ADCY10: variants seen among roughly 807,000 people sequenced by gnomAD.
ADCY10 encodes adenylate cyclase type 10.
In ADCY10, 156 loss-of-function variants were observed where a neutral mutation model predicts 183.3. The observed-to-expected ratio is 0.85, with a 90% confidence interval of 0.75 to 0.97. ADCY10 has a LOEUF of 0.97. Among genes scored for constraint, ADCY10 ranks in the 50% least tolerant of loss-of-function variants. The pLI is 0.00. For synonymous variants in ADCY10, 645 were observed against 670.0 expected, an observed-to-expected ratio of 0.96 and a Z score of 0.58; for missense variants, 1,745 against 1,934.3, an observed-to-expected ratio of 0.90 and a Z score of 1.84.
Position 167,853,389 on chromosome 1 carries a change from A to G in ADCY10, c.2308+964T>C, listed in dbSNP as rs1468333103. Among the ~76,000 whole-genome samples the G allele has an allele frequency of 2.9e-4, 44 of 152,134 alleles. 1 individual carries two copies. The highest frequency in any genetic ancestry group is 2.9e-3 in the Admixed American group (44 of 15,270). ...AAGGTGGAAAGAAGTCAGACCAGCTAGGGACCTTAGGACCCAAGGAAAAAC... is the reference window on the plus strand; with the variant it reads ...AAGGTGGAAAGAAGTCAGACCAGCTGGGGACCTTAGGACCCAAGGAAAAAC... On this transcript the variant is annotated intron_variant, in intron 18 of 32. Transcript: ENST00000367851.
rs115552218 is a variant in ADCY10, at chr1:167,910,844, C to T, written c.-59+3132G>A. On this transcript the variant is annotated intron_variant, in intron 1 of 32. Coordinates refer to ENST00000367851, the MANE Select transcript of ADCY10 (RefSeq NM_018417.6). The stretch of plus-strand genomic sequence containing the variant: ...GCTCAACTTTGACTTCTTTAGCTAC[C>T]AAGCTTGTAAGATTGAAAGACTGAG... Among the ~76,000 whole-genome samples, 754 of 152,230 alleles carry T rather than the reference C, an allele frequency of 5.0e-3. 5 individuals carry two copies. Among genetic ancestry groups the T allele is most frequent in the African/African-American group, 0.017 (707 of 41,536 alleles).
At chr1:167,856,629 A>G (rs1665921929) in intron 16 of ADCY10, among the ~76,000 whole-genome samples, 190 bp from the exon 17 acceptor site, 1 of 152,182 alleles carries the variant, frequency 6.6e-6, no homozygotes, top group African/African-American at 2.4e-5. Context: ...ATTTGTGGCT[A>G]TTTGGACAGA....
rs780161604 is a variant in ADCY10 at position 167,903,971 on chromosome 1, T to C, written c.169A>G (p.Lys57Glu). ...DISGFTAMTEKFSSAMYMDRG... is the reference protein window; with the variant it reads ...DISGFTAMTEEFSSAMYMDRG... ...TCCATGTACATGGCACTGCTGAACTTCTCAGTCATTGCAGTAAAACCTGGA... is the reference window on the plus strand; with the variant it reads ...TCCATGTACATGGCACTGCTGAACTCCTCAGTCATTGCAGTAAAACCTGGA... Residue 57 changes from lysine (K) to glutamate (E), a missense_variant, in exon 3 of 33, where the codon AAG becomes GAG. Lys to Glu is a moderately conservative substitution (Grantham distance 56). Transcript: ENST00000367851. 1.2e-6 allele frequency: 2 copies of C among 1,613,548 alleles called. No individual in the cohort carries two copies. Among genetic ancestry groups the C allele is most frequent in the Non-Finnish European group, 1.7e-6 (2 of 1,179,616 alleles).
At chr1:167,843,415 C>T (rs182716251) in intron 21 of ADCY10, among the ~76,000 whole-genome samples, 3 of 151,690 alleles carry the variant, frequency 2.0e-5, no homozygotes, top group South Asian at 2.1e-4. Flanking sequence ...TTCTTCTTTC[C>T]CCTTTCCCTC....
rs751637880 is a variant in ADCY10, at chr1:167,870,313, A to G, written c.1560T>C (p.Tyr520=). ...QVLMYEGLPG[Y]GKSQILMKIE... ...TTTTCATAAGTATCTGGCTTTTTCCATATCCTGGTAATCCCTCATACATTA... is the reference window on the plus strand; with the variant it reads ...TTTTCATAAGTATCTGGCTTTTTCCGTATCCTGGTAATCCCTCATACATTA... Residue 520 remains tyrosine (Y), a synonymous_variant, in exon 14 of 33, where the codon TAT becomes TAC. Coordinates refer to ENST00000367851, the MANE Select transcript of ADCY10 (RefSeq NM_018417.6). 20 of 1,614,036 alleles carry G rather than the reference A, an allele frequency of 1.2e-5. No individual in the cohort carries two copies. Among genetic ancestry groups the G allele is most frequent in the Non-Finnish European group, 1.7e-5 (20 of 1,179,986 alleles).
intron 14 of ADCY10, among the ~76,000 whole-genome samples, chr1:167,865,239 TA>T (rs1165653941): frequency 6.6e-6 from 1 of 152,140 alleles, no homozygotes; most frequent in Non-Finnish European, 1.5e-5. Context: ...ATTAAAAGGT[TA>T]AAAAAATTAT....
At chr1:167,889,114 G>A (rs1668435175) in intron 8 of ADCY10, among the ~76,000 whole-genome samples, 1 of 152,080 alleles carries the variant, frequency 6.6e-6, no homozygotes, top group Non-Finnish European at 1.5e-5. Context: ...CCAGTATTAT[G>A]TTGAAAAACA....
chr1:167,861,600 T>A (rs1666293188), intron 14 of ADCY10, among the ~76,000 whole-genome samples: 1 of 152,214 alleles, frequency 6.6e-6, no homozygotes, highest in East Asian at 1.9e-4. Context: ...TCATCTCAAG[T>A]CTCAGCTCAG....
chr1:167,891,613 G>A (rs940908840), intron 8 of ADCY10, among the ~76,000 whole-genome samples: 4 of 147,284 alleles, frequency 2.7e-5, no homozygotes, highest in Admixed American at 1.4e-4. Flanking sequence ...CCAAGATTGC[G>A]CCACTGCACT....
intron 14 of ADCY10, among the ~76,000 whole-genome samples, chr1:167,869,309 C>CCTCA (rs1666919011): frequency 6.6e-6 from 1 of 152,132 alleles, no homozygotes; most frequent in African/African-American, 2.4e-5. Flanking sequence ...CACCAAAATG[C>CCTCA]CTCAACACAA....
At chr1:167,824,454 G>A (rs1223596207) in intron 28 of ADCY10, 22 bp downstream of exon 28, 1 of 1,608,988 alleles carries the variant, frequency 6.2e-7, no homozygotes, top group South Asian at 1.1e-5. Flanking sequence ...CCTAATTTTG[G>A]AAAATGCTTT....
intron 26 of ADCY10, among the ~76,000 whole-genome samples, chr1:167,828,469 G>A (rs1234108241): frequency 6.6e-6 from 1 of 152,058 alleles, no homozygotes; most frequent in Non-Finnish European, 1.5e-5. Flanking sequence ...TCTTCCAGAG[G>A]CAACATATGT....
intron 7 of ADCY10, 90 bp from the exon 8 acceptor site, chr1:167,894,031 G>A: frequency 1.2e-6 from 1 of 853,804 alleles, no homozygotes; most frequent in Non-Finnish European, 2.0e-6. Flanking sequence ...CTATTCTCTT[G>A]GGCAGTGGGC....
Position 167,878,528 on chromosome 1 carries a change from A to AAT in ADCY10, c.1323_1324insAT (p.Phe442IlefsTer10). On this transcript the variant is annotated frameshift_variant, in exon 12 of 33. Coordinates refer to ENST00000367851, the MANE Select transcript of ADCY10 (RefSeq NM_018417.6). LOFTEE classifies it high-confidence loss of function. ...ATAACTTTCTTTGGAAGCTCTTTAA[A>AAT]AAAGTACGCTGGTAGGTTGCTCCCA... 1 of 1,614,128 alleles carries AAT rather than the reference A, an allele frequency of 6.2e-7. No homozygotes were observed. Among genetic ancestry groups the AAT allele is most frequent in the Non-Finnish European group, 8.5e-7 (1 of 1,180,000 alleles).
rs919099777 is a variant in ADCY10, at chr1:167,912,009, T to G, written c.-59+1967A>C. Among the ~76,000 whole-genome samples the G allele has an allele frequency of 5.9e-5, 9 of 152,234 alleles. No individual in the cohort carries two copies. In the South Asian group the frequency reaches 1.9e-3, roughly 31 times the overall value. Reference sequence around the variant, plus strand: ...AAAATAAATATCTGGGAGTTTCTTATGAACACCCATAAAAGACAATAGAAA... The same window carrying G: ...AAAATAAATATCTGGGAGTTTCTTAGGAACACCCATAAAAGACAATAGAAA... On this transcript the variant is annotated intron_variant, in intron 1 of 32. Transcript: ENST00000367851.
intron 18 of ADCY10, among the ~76,000 whole-genome samples, chr1:167,853,801 T>C (rs1414445608): frequency 6.6e-6 from 1 of 150,846 alleles, no homozygotes; most frequent in Non-Finnish European, 1.5e-5. Flanking sequence ...TTAAGATTTG[T>C]CAATGTTCTT....
intron 14 of ADCY10, among the ~76,000 whole-genome samples, chr1:167,869,669 A>G (rs1369817378): frequency 6.6e-6 from 1 of 152,080 alleles, no homozygotes; most frequent in Non-Finnish European, 1.5e-5. Context: ...GTTCTGTTTC[A>G]CTGTGACCAC....
chr1:167,885,830 G>C (rs2102293271), intron 8 of ADCY10, among the ~76,000 whole-genome samples: 1 of 152,190 alleles, frequency 6.6e-6, no homozygotes, highest in South Asian at 2.1e-4. Flanking sequence ...TGGCCAGGCT[G>C]GTCTTGAACT....
intron 29 of ADCY10, 42 bp from the exon 30 acceptor site, chr1:167,822,183 G>C: frequency 8.0e-7 from 1 of 1,253,298 alleles, no homozygotes; most frequent in Non-Finnish European, 1.2e-6. Flanking sequence ...AGTAGGTGTG[G>C]GTGATCATCT....
Sources: gnomAD v4.1 joint callset for allele counts (sites outside exome capture counted in the v4.1 genomes callset) on GRCh38, gnomAD v4.1.1 for gene constraint, MANE v1.5 for transcripts, NCBI Gene and HGNC (gene_info 2026-07-23, HGNC 2026-07-21) for gene names.